Variants in ME3 observed in about 807,000 individuals in gnomAD.
The protein encoded by ME3 is malic enzyme 3, also known as NADP-dependent malic enzyme, mitochondrial.
Under a neutral mutation model 68.9 loss-of-function variants are expected in ME3, and 48 were observed. The ratio of observed to expected loss-of-function variants is 0.70; its 90% confidence interval spans 0.55 to 0.89. The LOEUF is 0.89. Among genes scored for constraint, ME3 ranks in the 40% least tolerant of loss-of-function variants. The pLI is 0.00. For synonymous variants in ME3, 320 were observed against 318.8 expected, an observed-to-expected ratio of 1.00 and a Z score of -0.04; for missense variants, 675 against 797.4, an observed-to-expected ratio of 0.85 and a Z score of 1.85.
At position 86,531,120 on chromosome 11, in the gene ME3, A is replaced by G. The variant is rs777526932; in HGVS notation, c.468-22253T>C. Reference sequence around the variant, plus strand: ...CTCATCTGACAAAGGGCTAATATCCAGAATCTACAAAGAACTCAAACAAAT... The same window carrying G: ...CTCATCTGACAAAGGGCTAATATCCGGAATCTACAAAGAACTCAAACAAAT... On this transcript the variant is annotated intron_variant, in intron 4 of 14. Coordinates refer to ENST00000543262, the Ensembl canonical transcript of ME3. Among the ~76,000 whole-genome samples the G allele has an allele frequency of 8.7e-3, 1,329 of 152,346 alleles. 26 individuals carry two copies. The highest frequency in any genetic ancestry group is 0.03 in the African/African-American group (1,248 of 41,576).
At chr11:86,545,486 CA>C (rs1397030806) in intron 4 of ME3, among the ~76,000 whole-genome samples, 1 of 152,166 alleles carries the variant, frequency 6.6e-6, no homozygotes, top group Non-Finnish European at 1.5e-5. Flanking sequence ...GATACAAAAT[CA>C]ATGTGCAAAA....
At chr11:86,656,276 G>T (rs1391908414) in intron 2 of ME3, among the ~76,000 whole-genome samples, 1 of 151,956 alleles carries the variant, frequency 6.6e-6, no homozygotes, top group African/African-American at 2.4e-5. Context: ...TATAAATCAT[G>T]CTGCTATAAA....
intron 4 of ME3, among the ~76,000 whole-genome samples, chr11:86,509,568 C>G (rs1953359602): frequency 6.6e-6 from 1 of 152,176 alleles, no homozygotes; most frequent in South Asian, 2.1e-4. Context: ...CTGCAGGCAA[C>G]TTGGGGCAAC....
intron 7 of ME3, among the ~76,000 whole-genome samples, chr11:86,466,859 C>T (rs185481636): frequency 5.9e-5 from 9 of 152,268 alleles, no homozygotes; most frequent in African/African-American, 1.4e-4. Flanking sequence ...GGCCATAGGC[C>T]GGACCTGGCT....
At chr11:86,604,982 C>G (rs1480778392) in intron 2 of ME3, among the ~76,000 whole-genome samples, 1 of 152,118 alleles carries the variant, frequency 6.6e-6, no homozygotes, top group African/African-American at 2.4e-5. Context: ...AGAAATGCAC[C>G]ACTCATTAAG....
At chr11:86,486,084 C>A (rs929280954) in intron 7 of ME3, among the ~76,000 whole-genome samples, 2 of 152,190 alleles carry the variant, frequency 1.3e-5, no homozygotes, top group African/African-American at 4.8e-5. Context: ...GCTCCCACCA[C>A]CACATCTACC....
chr11:86,660,420 G>C lies in ME3; in HGVS notation c.183+11342C>G, dbSNP rs113618695. On this transcript the variant is annotated intron_variant, in intron 2 of 14. Coordinates refer to ENST00000543262, the Ensembl canonical transcript of ME3. ...AGAACTAATTGGACACTTACCATCTGCTTTACATACATTACTTCACTTAAT... is the reference window on the plus strand; with the variant it reads ...AGAACTAATTGGACACTTACCATCTCCTTTACATACATTACTTCACTTAAT... 1.1e-3 allele frequency among the ~76,000 whole-genome samples: 175 copies of C among 152,340 alleles called. 1 individual carries two copies. The highest frequency in any genetic ancestry group is 3.7e-3 in the African/African-American group (152 of 41,562).
chr11:86,643,528 C>T (rs186293701), intron 2 of ME3, among the ~76,000 whole-genome samples: 1 of 152,286 alleles, frequency 6.6e-6, no homozygotes, highest in Non-Finnish European at 1.5e-5. Flanking sequence ...AAAGAGGTTA[C>T]AGCAACCTTC....
chr11:86,585,739 G>C (rs762431750), intron 2 of ME3, among the ~76,000 whole-genome samples: 33 of 152,174 alleles, frequency 2.2e-4, no homozygotes, highest in African/African-American at 8.0e-4. Context: ...TAATGGGGTT[G>C]TATGTATTAC....
At chr11:86,618,810 T>TG (rs1463837420) in intron 2 of ME3, among the ~76,000 whole-genome samples, 11 of 150,848 alleles carry the variant, frequency 7.3e-5, no homozygotes, top group Non-Finnish European at 1.6e-4. Flanking sequence ...CTCCACCTCC[T>TG]GGGTTCAAGC....
intron 7 of ME3, among the ~76,000 whole-genome samples, chr11:86,477,693 TGA>T (rs1280061596): frequency 6.6e-6 from 1 of 151,996 alleles, no homozygotes; most frequent in Non-Finnish European, 1.5e-5. Flanking sequence ...CCCGAGGCAG[TGA>T]GTTTCTTCCA....
chr11:86,668,762 G>A (rs938056636), intron 2 of ME3, among the ~76,000 whole-genome samples: 8 of 152,116 alleles, frequency 5.3e-5, no homozygotes, highest in Non-Finnish European at 1.0e-4. Flanking sequence ...ATACAGCTGC[G>A]ACTTAAATGC....
At chr11:86,461,201 G>A (rs749541069) in intron 8 of ME3, among the ~76,000 whole-genome samples, 1 of 152,194 alleles carries the variant, frequency 6.6e-6, no homozygotes, top group Non-Finnish European at 1.5e-5. Flanking sequence ...ACATAATGGG[G>A]TTCCAGTTCC....
At chr11:86,619,147 A>G (rs535567584) in intron 2 of ME3, among the ~76,000 whole-genome samples, 14 of 152,188 alleles carry the variant, frequency 9.2e-5, no homozygotes, top group Non-Finnish European at 1.9e-4. Context: ...CCAGAAGCAG[A>G]TGTCAGCACT....
intron 10 of ME3, 110 bp downstream of exon 10, chr11:86,449,779 T>C: frequency 1.3e-6 from 1 of 750,194 alleles, no homozygotes; most frequent in Non-Finnish European, 2.2e-6. Context: ...ATTGCCCTCA[T>C]TTTGCTCTCT....
chr11:86,524,670 C>T (rs1453204863), intron 4 of ME3, among the ~76,000 whole-genome samples: 2 of 152,154 alleles, frequency 1.3e-5, no homozygotes, highest in African/African-American at 4.8e-5. Flanking sequence ...GCTATCATTG[C>T]ATATTAGTTA....
At chr11:86,510,563 T>C (rs1368562104) in intron 4 of ME3, among the ~76,000 whole-genome samples, 15 of 152,198 alleles carry the variant, frequency 9.9e-5, no homozygotes, top group Admixed American at 9.8e-4. Context: ...TTTCTCACCT[T>C]TGGCACTATT....
rs1163128094 is a variant in ME3 at position 86,471,141 on chromosome 11, C to CTTTTTTTTTTTTTTTTTTTTTT, written c.810-5963_810-5942dup. Among the ~76,000 whole-genome samples the CTTTTTTTTTTTTTTTTTTTTTT allele has an allele frequency of 9.3e-5, 7 of 75,036 alleles. 2 individuals carry two copies. The highest frequency in any genetic ancestry group is 2.5e-4 in the African/African-American group (4 of 15,930). The allele number at this position is 75,036 out of a possible 152,430, so 49.2% of individuals were successfully genotyped here. A position where few individuals can be genotyped will look rare whatever the true frequency, so the allele number is the denominator to read the frequency against. On this transcript the variant is annotated intron_variant, in intron 7 of 14. Transcript: ENST00000543262. ...CCTACTTAAACTGTAAGGCCCAGAG[C>CTTTTTTTTTTTTTTTTTTTTTT]TTTTTTTTTTTTTTTTTTTTTTTTT...
intron 2 of ME3, among the ~76,000 whole-genome samples, chr11:86,639,972 T>G (rs1462107952): frequency 6.6e-6 from 1 of 152,162 alleles, no homozygotes; most frequent in Non-Finnish European, 1.5e-5. Context: ...GCATGTGATC[T>G]CAACATCTTC....
Sources: allele counts gnomAD v4.1 joint callset (sites outside exome capture counted in the v4.1 genomes callset), GRCh38; gene constraint gnomAD v4.1.1; transcripts MANE v1.5; gene names NCBI Gene and HGNC (gene_info 2026-07-23, HGNC 2026-07-21).